Variants in CACNA1C observed in about 807,000 individuals in gnomAD.
CACNA1C encodes calcium voltage-gated channel subunit alpha1 C, also known as voltage-dependent L-type calcium channel subunit alpha-1C.
CACNA1C carries 30 observed loss-of-function variants against 229.0 expected under a neutral mutation model. The ratio of observed to expected loss-of-function variants is 0.13; its 90% confidence interval spans 0.10 to 0.18. CACNA1C has a LOEUF of 0.18. Ranked by LOEUF, CACNA1C falls within the 10% of genes least tolerant of loss-of-function variation. The probability of loss-of-function intolerance (pLI) is 1.00; values close to 1 mark genes in which losing one functional copy is unlikely to be tolerated. For synonymous variants in CACNA1C, 1,114 were observed against 1,132.5 expected, an observed-to-expected ratio of 0.98 and a Z score of 0.33; for missense variants, 1,658 against 2,845.0, an observed-to-expected ratio of 0.58 and a Z score of 9.49.
At chr12:2,419,334 G>T (rs151059088) in intron 3 of CACNA1C, among the ~76,000 whole-genome samples, 4 of 151,962 alleles carry the variant, frequency 2.6e-5, no homozygotes, top group African/African-American at 9.7e-5. Flanking sequence ...GGAGGGAGGA[G>T]GTGTCACACA....
chr12:2,472,284 G>A (rs866758861), intron 5 of CACNA1C, among the ~76,000 whole-genome samples: 3 of 152,140 alleles, frequency 2.0e-5, no homozygotes, highest in Non-Finnish European at 2.9e-5. Flanking sequence ...ATTGGTCCCC[G>A]GGGCTTTGTT....
chr12:2,358,724 G>A (rs769736235), intron 3 of CACNA1C, among the ~76,000 whole-genome samples: 7 of 152,172 alleles, frequency 4.6e-5, no homozygotes, highest in East Asian at 3.8e-4. Context: ...CAGTGCGCAC[G>A]CCCACATGGC....
chr12:2,634,074 G>A lies in CACNA1C; in HGVS notation c.3829-223G>A, dbSNP rs565775765. On this transcript the variant is annotated intron_variant, in intron 29 of 46. Transcript: ENST00000399655. The stretch of plus-strand genomic sequence containing the variant: ...CTTTTGTCAGGCCTCTGCACCCTGC[G>A]AAAACCAGGTTATCCAGGTTTGAGC... Among the ~76,000 whole-genome samples, 424 of 152,286 alleles carry A rather than the reference G, an allele frequency of 2.8e-3. 1 individual carries two copies. Among genetic ancestry groups the A allele is most frequent in the Non-Finnish European group, 4.7e-3 (321 of 68,030 alleles).
At position 2,303,883 on chromosome 12, in the gene CACNA1C, G is replaced by T. The variant is rs560466315; in HGVS notation, c.478-145093G>T. Among the ~76,000 whole-genome samples, 3 of 152,328 alleles carry T rather than the reference G, an allele frequency of 2.0e-5. No individual in the cohort carries two copies. The South Asian group carries it at 6.2e-4, about 32-fold the overall frequency. On this transcript the variant is annotated intron_variant, in intron 3 of 46. Transcript: ENST00000399655. ...GTGTTTCCCACAGGTTTGGGGAGAT[G>T]AGTTGTTCTGGGGTAGAGACAGGTC...
At position 2,663,711 on chromosome 12, in the gene CACNA1C, A is replaced by T. The variant is rs1323896680; in HGVS notation, c.4233-1114A>T. Among the ~76,000 whole-genome samples the T allele has an allele frequency of 2.7e-5, 4 of 145,750 alleles. No homozygotes were observed. The East Asian group carries it at 5.8e-4, about 21-fold the overall frequency. On this transcript the variant is annotated intron_variant, in intron 34 of 46. Transcript: ENST00000399655. ...TTCCCAAAAAACTATTGGAAATTTT[A>T]AAAAAGAATAGAGAATAGAGTATCT...
intron 1 of CACNA1C, among the ~76,000 whole-genome samples, chr12:2,100,480 CA>C (rs34845739): frequency 0.63 from 74,580 of 118,226 alleles, 22,993 homozygotes; most frequent in East Asian, 0.73. Flanking sequence ...AAAAAAAAAA[CA>C]AAAAAAAAAA....
At chr12:2,341,232 G>A (rs1278381346) in intron 3 of CACNA1C, among the ~76,000 whole-genome samples, 1 of 152,186 alleles carries the variant, frequency 6.6e-6, no homozygotes, top group African/African-American at 2.4e-5. Context: ...TGTGTGACTG[G>A]CAGGCGATCT....
At chr12:2,196,459 A>G (rs1367374089) in intron 3 of CACNA1C, among the ~76,000 whole-genome samples, 1 of 152,246 alleles carries the variant, frequency 6.6e-6, no homozygotes, top group Non-Finnish European at 1.5e-5. Context: ...GATGATTCCC[A>G]ACTTTTGAAC....
chr12:2,101,539 T>C (rs921745281), intron 1 of CACNA1C, among the ~76,000 whole-genome samples: 12 of 152,120 alleles, frequency 7.9e-5, no homozygotes, highest in Admixed American at 3.3e-4. Flanking sequence ...GTGTCAGGCC[T>C]GTGGGTCCGT....
At chr12:2,476,578 A>G (rs1317442712) in intron 5 of CACNA1C, among the ~76,000 whole-genome samples, 2 of 152,210 alleles carry the variant, frequency 1.3e-5, no homozygotes, top group African/African-American at 2.4e-5. Context: ...GCCTTTCACC[A>G]TATGCAGTTT....
intron 1 of CACNA1C, among the ~76,000 whole-genome samples, chr12:2,038,741 T>G (rs1005000812): frequency 6.6e-6 from 1 of 152,214 alleles, no homozygotes; most frequent in African/African-American, 2.4e-5. Context: ...TAATTTCCAG[T>G]TATTGTAGAA....
At chr12:2,428,211 A>T (rs1221562272) in intron 3 of CACNA1C, among the ~76,000 whole-genome samples, 2 of 152,174 alleles carry the variant, frequency 1.3e-5, no homozygotes, top group Non-Finnish European at 2.9e-5. Flanking sequence ...AGGGACCCCC[A>T]GCACATCCCC....
At chr12:2,232,808 T>TA (rs1301756739) in intron 3 of CACNA1C, among the ~76,000 whole-genome samples, 7 of 152,230 alleles carry the variant, frequency 4.6e-5, no homozygotes, top group African/African-American at 1.7e-4. Context: ...GTATCATGTT[T>TA]ATTTATTTTA....
intron 3 of CACNA1C, among the ~76,000 whole-genome samples, chr12:2,345,787 A>G (rs1256713783): frequency 1.3e-5 from 2 of 152,180 alleles, no homozygotes; most frequent in Non-Finnish European, 2.9e-5. Flanking sequence ...GGTGGGTCAT[A>G]TGGTACAGCC....
chr12:2,501,582 C>G (rs1438873415), intron 7 of CACNA1C, among the ~76,000 whole-genome samples: 1 of 152,268 alleles, frequency 6.6e-6, no homozygotes, highest in East Asian at 1.9e-4. Flanking sequence ...AGACCACAGC[C>G]CATCGTGGCC....
chr12:2,265,240 G>T (rs2081922681), intron 3 of CACNA1C, among the ~76,000 whole-genome samples: 1 of 152,186 alleles, frequency 6.6e-6, no homozygotes, highest in African/African-American at 2.4e-5. Flanking sequence ...CAAATGTCTG[G>T]CTATCTAGGT....
At chr12:2,120,597 C>A (rs1451918159) in intron 3 of CACNA1C, among the ~76,000 whole-genome samples, 167 bp downstream of exon 3, 1 of 151,740 alleles carries the variant, frequency 6.6e-6, no homozygotes, top group Non-Finnish European at 1.5e-5. Flanking sequence ...TTCAAATCAG[C>A]ACCTGTCTCA....
chr12:2,259,704 T>G (rs903684596), intron 3 of CACNA1C, among the ~76,000 whole-genome samples: 1 of 152,206 alleles, frequency 6.6e-6, no homozygotes, highest in African/African-American at 2.4e-5. Context: ...TTTTGTTTTG[T>G]TTTTCATTTT....
intron 1 of CACNA1C, chr12:2,004,439 C>A (rs775221731): frequency 1.9e-6 from 3 of 1,604,114 alleles, no homozygotes; most frequent in Non-Finnish European, 2.6e-6. Flanking sequence ...CATCTTCCCT[C>A]CCTCCCAGAC....
Sources: gnomAD v4.1 joint callset for allele counts (sites outside exome capture counted in the v4.1 genomes callset) on GRCh38, gnomAD v4.1.1 for gene constraint, MANE v1.5 for transcripts, NCBI Gene and HGNC (gene_info 2026-07-23, HGNC 2026-07-21) for gene names.